The following ADAMTS14 variants were observed in gnomAD, a reference collection of about 807,000 sequenced individuals.
The protein encoded by ADAMTS14 is A disintegrin and metalloproteinase with thrombospondin motifs 14.
In ADAMTS14, 100 loss-of-function variants were observed where a neutral mutation model predicts 128.6. The observed-to-expected ratio is 0.78, with a 90% CI of 0.66 to 0.92. ADAMTS14 has a LOEUF of 0.92. Among genes scored for constraint, ADAMTS14 ranks in the 40% least tolerant of loss-of-function variants. The pLI, the probability that ADAMTS14 is intolerant of heterozygous loss-of-function variation, is 0.00. For synonymous variants in ADAMTS14, 665 were observed against 653.8 expected (o/e 1.02, Z -0.26); for missense variants, 1,562 against 1,658.6 (o/e 0.94, Z 1.01).
At chr10:70,703,006 A>T (rs553880772) in intron 3 of ADAMTS14, among the ~76,000 whole-genome samples, 1 of 152,344 alleles carries the variant, frequency 6.6e-6, no homozygotes, top group South Asian at 2.1e-4. Context: ...AGCAGAGATG[A>T]TCCATGTCTA....
intron 2 of ADAMTS14, among the ~76,000 whole-genome samples, chr10:70,699,522 A>G (rs75727408): frequency 0.038 from 5,786 of 152,246 alleles, 168 homozygotes; most frequent in Non-Finnish European, 0.055. Flanking sequence ...GAGGTCTCCT[A>G]ACTGGGGAGG....
intron 4 of ADAMTS14, among the ~76,000 whole-genome samples, chr10:70,724,049 G>A (rs1172583439): frequency 1.3e-5 from 2 of 152,220 alleles, no homozygotes; most frequent in Non-Finnish European, 1.5e-5. Context: ...GAGGCTGTAT[G>A]CCAAGCCCTT....
intron 2 of ADAMTS14, among the ~76,000 whole-genome samples, chr10:70,683,716 G>A (rs932710253): frequency 2.0e-5 from 3 of 152,206 alleles, no homozygotes; most frequent in Non-Finnish European, 2.9e-5. Flanking sequence ...TCCCCTGCCT[G>A]CTCCAGCCTG....
intron 2 of ADAMTS14, among the ~76,000 whole-genome samples, chr10:70,688,093 G>A (rs1438442383): frequency 9.8e-4 from 42 of 42,946 alleles, no homozygotes; most frequent in South Asian, 2.0e-3. Context: ...CGGGCGGAGG[G>A]GCTCCTCACT....
chr10:70,735,446 T>A (rs1841796467), intron 9 of ADAMTS14, 145 bp downstream of exon 9: 2 of 1,215,566 alleles, frequency 1.6e-6, no homozygotes, highest in African/African-American at 3.0e-5. Context: ...CCAGCCACCA[T>A]GCAGGGATGC....
intron 2 of ADAMTS14, among the ~76,000 whole-genome samples, chr10:70,688,852 AGGGGGAGGGGGAGGGG>A (rs1564521514): frequency 0.028 from 128 of 4,528 alleles, 18 homozygotes; most frequent in East Asian, 0.1. Context: ...CCGGAGGGGG[AGGGGGAGGGGGAGGGG>A]GAGGGGGAGG....
intron 16 of ADAMTS14, among the ~76,000 whole-genome samples, chr10:70,750,925 T>G (rs1169953145): frequency 6.6e-6 from 1 of 152,182 alleles, no homozygotes; most frequent in Non-Finnish European, 1.5e-5. Context: ...CAAATCTTTA[T>G]GACCTTAGAT....
rs906301553 is a variant in ADAMTS14 at position 70,706,545 on chromosome 10, C to G, written c.680-2043C>G. On this transcript the variant is annotated intron_variant, in intron 3 of 21. Coordinates refer to ENST00000373207, the MANE Select transcript of ADAMTS14 (RefSeq NM_080722.4). Reference sequence around the variant, plus strand: ...AGGAGTTTGGCTGTGGGCTGCTGCGCTTGCCATTGGCTCAGACACCAGGGC... The same window carrying G: ...AGGAGTTTGGCTGTGGGCTGCTGCGGTTGCCATTGGCTCAGACACCAGGGC... Among the ~76,000 whole-genome samples, 4 of 152,336 alleles carry G rather than the reference C, an allele frequency of 2.6e-5. No individual in the cohort carries two copies. The East Asian group carries it at 7.7e-4, about 29-fold the overall frequency.
At chr10:70,675,458 C>A (rs1839617018) in intron 2 of ADAMTS14, among the ~76,000 whole-genome samples, 1 of 152,152 alleles carries the variant, frequency 6.6e-6, no homozygotes, top group South Asian at 2.1e-4. Flanking sequence ...ATATGGCCTG[C>A]CTAACTGGGC....
chr10:70,756,898 A>G (rs1053009236), intron 19 of ADAMTS14, among the ~76,000 whole-genome samples: 1 of 152,154 alleles, frequency 6.6e-6, no homozygotes, highest in Non-Finnish European at 1.5e-5. Flanking sequence ...TATTCATATA[A>G]TCAACTTTCA....
intron 3 of ADAMTS14, 128 bp from the exon 4 acceptor site, chr10:70,708,460 A>G (rs1456267121): frequency 4.7e-5 from 37 of 788,400 alleles, no homozygotes; most frequent in South Asian, 2.6e-4. Context: ...GCAATCCCTC[A>G]TACTACTTTA....
chr10:70,679,872 C>T (rs1208029725), intron 2 of ADAMTS14, among the ~76,000 whole-genome samples: 1 of 152,168 alleles, frequency 6.6e-6, no homozygotes, highest in Non-Finnish European at 1.5e-5. Flanking sequence ...AGCCCAGCTG[C>T]TCACCACTGA....
rs1158994233 is a variant in ADAMTS14, at chr10:70,760,595, G to A, written c.3414G>A (p.Thr1138=). 6.8e-6 allele frequency: 11 copies of A among 1,613,858 alleles called. No individual in the cohort carries two copies. Among genetic ancestry groups the A allele is most frequent in the South Asian group, 2.2e-5 (2 of 91,086 alleles). Residue 1138 remains threonine, a synonymous_variant, in exon 22 of 22, where the codon ACG becomes ACA. Transcript: ENST00000373207. ...CTGCAGAGCCTCCTGGAAAGCCAACGGGATCAGAGGACCATCAGCATGGCC... is the reference window on the plus strand; with the variant it reads ...CTGCAGAGCCTCCTGGAAAGCCAACAGGATCAGAGGACCATCAGCATGGCC... ...ADAAEPPGKP[T]GSEDHQHGRA... is the part of the protein sequence containing the mutation.
At chr10:70,682,236 CAT>C (rs34811089) in intron 2 of ADAMTS14, among the ~76,000 whole-genome samples, 9,061 of 152,250 alleles carry the variant, frequency 0.06, 519 homozygotes, top group African/African-American at 0.16. Context: ...ACCGGGTAGT[CAT>C]AGGGGGTGGG....
At position 70,738,967 on chromosome 10, in the gene ADAMTS14, C is replaced by A. The variant is rs142896753; in HGVS notation, c.1725C>A (p.Arg575=). ...SRSCGGGVRS[R]SRSCNNPSPA... ...CATGTGGGGGCGGGGTGCGATCCCGCAGCCGGAGCTGCAACAACCCCTCGT... is the reference window on the plus strand; with the variant it reads ...CATGTGGGGGCGGGGTGCGATCCCGAAGCCGGAGCTGCAACAACCCCTCGT... Residue 575 remains arginine (R), a synonymous_variant, in exon 11 of 22, where the codon CGC becomes CGA. Transcript: ENST00000373207. 6.2e-7 allele frequency: 1 copy of A among 1,612,114 alleles called. No individual in the cohort carries two copies. The highest frequency in any genetic ancestry group is 8.5e-7 in the Non-Finnish European group (1 of 1,178,900).
chr10:70,727,037 A>G (rs888404005), intron 4 of ADAMTS14, among the ~76,000 whole-genome samples: 7 of 152,314 alleles, frequency 4.6e-5, no homozygotes, highest in Admixed American at 2.6e-4. Context: ...GGATCCAGAT[A>G]TGGGTGCCAG....
At chr10:70,760,301 A>G (rs1292744775) in intron 21 of ADAMTS14, 59 bp from the exon 22 acceptor site, 13 of 1,502,946 alleles carry the variant, frequency 8.6e-6, no homozygotes, top group Non-Finnish European at 1.1e-5. Context: ...AGGGGGGGCC[A>G]CCTGACTGAC....
At position 70,725,358 on chromosome 10, in the gene ADAMTS14, G is replaced by A. The variant is rs578243193; in HGVS notation, c.871-3936G>A. Among the ~76,000 whole-genome samples the A allele has an allele frequency of 4.6e-5, 7 of 152,284 alleles. No homozygotes were observed. The South Asian group carries it at 1.2e-3, about 27-fold the overall frequency. ...TTCAGTGCATGTGAGTACTGGCTGG[G>A]AAGAAATTCCCTGTCAGATGGAGGG... On this transcript the variant is annotated intron_variant, in intron 4 of 21. Transcript: ENST00000373207.
At chr10:70,739,961 G>A (rs1429138375) in intron 11 of ADAMTS14, among the ~76,000 whole-genome samples, 1 of 152,172 alleles carries the variant, frequency 6.6e-6, no homozygotes, top group Non-Finnish European at 1.5e-5. Context: ...CAAAGTCTGT[G>A]GTTATAGAAA....
Sources: allele counts gnomAD v4.1 joint callset (sites outside exome capture counted in the v4.1 genomes callset), GRCh38; gene constraint gnomAD v4.1.1; transcripts MANE v1.5; gene names NCBI Gene and HGNC (gene_info 2026-07-23, HGNC 2026-07-21).